Variants in ROBO1 observed in about 807,000 individuals in gnomAD.
The protein encoded by ROBO1 is roundabout guidance receptor 1.
A neutral mutation model predicts 195.9 loss-of-function variants in ROBO1; 149 were observed. That is an observed-to-expected ratio of 0.76 (90% CI 0.67 to 0.87). The LOEUF (loss-of-function observed/expected upper bound fraction) is 0.87. Ranked by LOEUF, ROBO1 falls within the 40% of genes least tolerant of loss-of-function variation. The pLI, the probability that ROBO1 is intolerant of heterozygous loss-of-function variation, is 0.00. For synonymous variants in ROBO1, 816 were observed against 733.2 expected (o/e 1.11, Z -1.82); for missense variants, 1,933 against 2,068.3 (o/e 0.93, Z 1.27).
intron 2 of ROBO1, among the ~76,000 whole-genome samples, chr3:79,320,244 G>C (rs770591050): frequency 1.3e-5 from 2 of 152,138 alleles, no homozygotes; most frequent in Non-Finnish European, 2.9e-5. Flanking sequence ...ATGGGCTACA[G>C]AGCTGTGGGG....
At chr3:79,104,645 C>T (rs537982694) in intron 3 of ROBO1, among the ~76,000 whole-genome samples, 69 of 151,766 alleles carry the variant, frequency 4.5e-4, no homozygotes, top group Admixed American at 1.5e-3. Context: ...CACAGCCATA[C>T]GAGTTCGGTA....
In ROBO1 at chr3:79,663,235, C is replaced by T. The variant is rs1946383239; in HGVS notation, c.-50-73274G>A. Among the ~76,000 whole-genome samples the T allele has an allele frequency of 2.0e-5, 3 of 152,038 alleles. No homozygotes were observed. In the East Asian group the frequency reaches 5.8e-4, roughly 30 times the overall value. On this transcript the variant is annotated intron_variant, in intron 1 of 30. Coordinates refer to ENST00000464233, the MANE Select transcript of ROBO1 (RefSeq NM_002941.4). ...TTGCATTACTTATTTGAAAAAGCCA[C>T]ACTTCTATACCATTAATAAAATTAT...
chr3:78,662,926 T>G (rs184684525), intron 14 of ROBO1, among the ~76,000 whole-genome samples: 10 of 152,280 alleles, frequency 6.6e-5, no homozygotes, highest in Admixed American at 3.9e-4. Flanking sequence ...AAAAAACATT[T>G]GCCCATTTCT....
chr3:79,083,689 T>G (rs1016831461), intron 3 of ROBO1, among the ~76,000 whole-genome samples: 3 of 152,208 alleles, frequency 2.0e-5, no homozygotes, highest in African/African-American at 7.2e-5. Flanking sequence ...CGTTGGCCAA[T>G]CAAGGGCAAA....
At chr3:79,035,909 A>G (rs2078373968) in intron 3 of ROBO1, among the ~76,000 whole-genome samples, 1 of 152,172 alleles carries the variant, frequency 6.6e-6, no homozygotes, top group African/African-American at 2.4e-5. Context: ...AGGACTCCAC[A>G]GTTTTCAAGC....
intron 4 of ROBO1, among the ~76,000 whole-genome samples, chr3:78,925,027 C>A (rs941902293): frequency 6.6e-6 from 1 of 151,540 alleles, no homozygotes; most frequent in Non-Finnish European, 1.5e-5. Flanking sequence ...TTTCAAGGTT[C>A]TATGTTGTCA....
At chr3:79,137,453 T>C (rs2080433493) in intron 2 of ROBO1, among the ~76,000 whole-genome samples, 1 of 151,822 alleles carries the variant, frequency 6.6e-6, no homozygotes, top group Non-Finnish European at 1.5e-5. Flanking sequence ...TTTTCTGGTT[T>C]AGGTGATTAG....
intron 19 of ROBO1, among the ~76,000 whole-genome samples, chr3:78,648,021 A>C (rs1706407431): frequency 6.6e-6 from 1 of 152,110 alleles, no homozygotes; most frequent in Admixed American, 6.6e-5. Flanking sequence ...AATAAGTATT[A>C]TCAGAGTCTT....
chr3:78,837,084 C>T (rs572064382), intron 4 of ROBO1, among the ~76,000 whole-genome samples: 12 of 152,156 alleles, frequency 7.9e-5, no homozygotes, highest in East Asian at 1.9e-4. Context: ...ATCATAATTA[C>T]GGATGAATTG....
At chr3:79,242,271 G>GA (rs200561846) in intron 2 of ROBO1, among the ~76,000 whole-genome samples, 3,686 of 141,732 alleles carry the variant, frequency 0.026, 118 homozygotes, top group African/African-American at 0.082. Flanking sequence ...ATTGTGATAT[G>GA]AAAAAAAAAA....
At chr3:78,649,955 G>A (rs1010816048) in intron 19 of ROBO1, among the ~76,000 whole-genome samples, 3 of 152,108 alleles carry the variant, frequency 2.0e-5, no homozygotes, top group African/African-American at 2.4e-5. Flanking sequence ...TTATAATCAC[G>A]TAGCTATGGC....
At chr3:79,187,385 G>A (rs977243532) in intron 2 of ROBO1, among the ~76,000 whole-genome samples, 2 of 151,946 alleles carry the variant, frequency 1.3e-5, no homozygotes, top group African/African-American at 2.4e-5. Context: ...TTTCTCTGGA[G>A]CTGCATGGAT....
intron 3 of ROBO1, among the ~76,000 whole-genome samples, chr3:79,071,624 A>T (rs573891070): frequency 4.0e-5 from 6 of 151,558 alleles, no homozygotes; most frequent in Middle Eastern, 3.4e-3. Context: ...TTATTTTTTT[A>T]AAAAATTCAA....
chr3:78,674,451 C>T (rs1708272549), intron 10 of ROBO1, among the ~76,000 whole-genome samples: 1 of 152,128 alleles, frequency 6.6e-6, no homozygotes, highest in Admixed American at 6.6e-5. Context: ...TCTAGTTTTA[C>T]CCATGAAGAA....
chr3:79,298,560 T>A (rs2032720443), intron 2 of ROBO1, among the ~76,000 whole-genome samples: 1 of 152,138 alleles, frequency 6.6e-6, no homozygotes, highest in Admixed American at 6.5e-5. Flanking sequence ...AGGGATAGAA[T>A]TTCTTTTTCT....
intron 3 of ROBO1, among the ~76,000 whole-genome samples, chr3:79,005,941 T>G (rs1410919206): frequency 3.3e-5 from 5 of 152,202 alleles, no homozygotes; most frequent in African/African-American, 9.6e-5. Context: ...GGGACTTCTT[T>G]GCAATTCAGC....
At chr3:79,539,029 G>T (rs1941973395) in intron 2 of ROBO1, among the ~76,000 whole-genome samples, 1 of 152,266 alleles carries the variant, frequency 6.6e-6, no homozygotes, top group South Asian at 2.1e-4. Context: ...TGACAATTGT[G>T]AGGGTGATAC....
intron 1 of ROBO1, among the ~76,000 whole-genome samples, chr3:79,670,740 G>A (rs756629933): frequency 6.6e-6 from 1 of 151,790 alleles, no homozygotes; most frequent in Non-Finnish European, 1.5e-5. Flanking sequence ...AGTTATTTAG[G>A]ACAGAAACTC....
intron 5 of ROBO1, among the ~76,000 whole-genome samples, chr3:78,730,412 A>G (rs1211481525): frequency 8.2e-6 from 1 of 122,080 alleles, no homozygotes; most frequent in Non-Finnish European, 2.0e-5. Context: ...ATTCCTTGAT[A>G]TAGATTGACC....
Sources: gnomAD v4.1 joint callset for allele counts (sites outside exome capture counted in the v4.1 genomes callset) on GRCh38, gnomAD v4.1.1 for gene constraint, MANE v1.5 for transcripts, NCBI Gene and HGNC (gene_info 2026-07-23, HGNC 2026-07-21) for gene names.